TRAPPC8: variants seen among roughly 807,000 people sequenced by gnomAD.
The protein encoded by TRAPPC8 is general sporulation gene 1 homolog.
TRAPPC8 carries 54 observed loss-of-function variants against 174.3 expected under a neutral mutation model. The observed-to-expected ratio is 0.31, with a 90% confidence interval of 0.25 to 0.39. The LOEUF is 0.39. Ranked by LOEUF, TRAPPC8 falls within the 10% of genes least tolerant of loss-of-function variation. TRAPPC8 has a pLI of 1.00. For missense variants in TRAPPC8, 1,531 were observed against 1,699.1 expected (o/e 0.90, Z 1.74); for synonymous variants, 630 against 579.9 (o/e 1.09, Z -1.24).
intron 26 of TRAPPC8, among the ~76,000 whole-genome samples, chr18:31,844,829 G>A (rs531398022): frequency 8.5e-5 from 13 of 152,100 alleles, no homozygotes; most frequent in Non-Finnish European, 1.9e-4. Flanking sequence ...TAACTTGACT[G>A]TGAAGAAACA....
At position 31,935,548 on chromosome 18, in the gene TRAPPC8, T is replaced by TGAAAAAAAAAAAAA. The variant is rs745488703; in HGVS notation, c.158-4026_158-4025insTTTTTTTTTTTTTC. On this transcript the variant is annotated intron_variant, in intron 1 of 28. Transcript: ENST00000283351. Reference sequence around the variant, plus strand: ...GGGCAACAAGAGCGAAACTCCATCTTAAAAAAAAAAAAAAAAAAAAGCAGG... The same window carrying TGAAAAAAAAAAAAA: ...GGGCAACAAGAGCGAAACTCCATCTTGAAAAAAAAAAAAAAAAAAAAAAAAAAAAAAAAAGCAGG... 1.4e-3 allele frequency among the ~76,000 whole-genome samples: 67 copies of TGAAAAAAAAAAAAA among 46,266 alleles called. 13 individuals are homozygous for TGAAAAAAAAAAAAA. The highest frequency in any genetic ancestry group is 2.5e-3 in the African/African-American group (23 of 9,032). The allele number at this position is 46,266 out of a possible 152,430, so 30.4% of individuals were successfully genotyped here. A position where few individuals can be genotyped will look rare whatever the true frequency, so the allele number is the denominator to read the frequency against.
Position 31,917,661 on chromosome 18 carries a change from G to A in TRAPPC8, c.359C>T (p.Thr120Ile). ...TTCTCTGTAAGACTCAAACCATGGA[G>A]TAGTGGCTAAAATTAACAATATACA... The part of the protein sequence containing the change: ...GDYDLNISAT[T>I]PWFESYRETF... Residue 120 changes from threonine (T) to isoleucine (I), a missense_variant, in exon 3 of 29, where the codon ACT (threonine) becomes ATT (isoleucine). By Grantham distance (89) the Thr-to-Ile change is moderately conservative. Coordinates refer to ENST00000283351, the MANE Select transcript of TRAPPC8 (RefSeq NM_014939.5). The A allele has an allele frequency of 1.2e-6, 2 of 1,611,828 alleles. No individual in the cohort carries two copies. The highest frequency in any genetic ancestry group is 1.7e-6 in the Non-Finnish European group (2 of 1,179,088).
At chr18:31,916,557 A>T in intron 3 of TRAPPC8, 111 bp from the exon 4 acceptor site, 3 of 1,120,068 alleles carry the variant, frequency 2.7e-6, no homozygotes, top group Non-Finnish European at 3.7e-6. Flanking sequence ...TTCTGAGACA[A>T]AGTCTCACTC....
chr18:31,922,068 G>T (rs1214390717), intron 2 of TRAPPC8, among the ~76,000 whole-genome samples: 3 of 152,068 alleles, frequency 2.0e-5, no homozygotes, highest in African/African-American at 7.2e-5. Context: ...ACTGTAATTA[G>T]ATTTTTATTG....
At chr18:31,882,892 C>T (rs1017125364) in intron 12 of TRAPPC8, among the ~76,000 whole-genome samples, 5 of 148,014 alleles carry the variant, frequency 3.4e-5, no homozygotes, top group South Asian at 2.2e-4. Flanking sequence ...TGGGATTACA[C>T]GCATGAGCCA....
chr18:31,877,785 T>C (rs1326873827), intron 12 of TRAPPC8, among the ~76,000 whole-genome samples: 1 of 147,852 alleles, frequency 6.8e-6, no homozygotes, highest in African/African-American at 2.5e-5. Flanking sequence ...TAGCCAGGCG[T>C]GGTGGCGCGT....
intron 1 of TRAPPC8, 129 bp downstream of exon 1, chr18:31,942,479 C>T (rs2038389339): frequency 1.6e-6 from 2 of 1,251,596 alleles, no homozygotes; most frequent in Non-Finnish European, 2.1e-6. Flanking sequence ...CGCGGGGCCA[C>T]AGCCCCAGAC....
At position 31,867,035 on chromosome 18, in the gene TRAPPC8, C is replaced by A. The variant is rs1449055942; in HGVS notation, c.2464-60G>T. ...TCATAATATCTTAAATAGCACAATACCTAATTCTATAATGTTGCAAAAACA... is the reference window on the plus strand; with the variant it reads ...TCATAATATCTTAAATAGCACAATAACTAATTCTATAATGTTGCAAAAACA... On this transcript the variant is annotated intron_variant, in intron 17 of 28. Coordinates refer to ENST00000283351, the MANE Select transcript of TRAPPC8 (RefSeq NM_014939.5). 8 of 1,553,300 alleles carry A rather than the reference C, an allele frequency of 5.2e-6. No homozygotes were observed. In the East Asian group the frequency reaches 1.6e-4, roughly 31 times the overall value.
chr18:31,831,007 T>C lies in TRAPPC8; in HGVS notation c.4074-18A>G, dbSNP rs1473875123. 3 of 1,580,902 alleles carry C rather than the reference T, an allele frequency of 1.9e-6. No homozygotes were observed. The highest frequency in any genetic ancestry group is 2.6e-6 in the Non-Finnish European group (3 of 1,161,396). ...CTTCTGGACTAAGGGAGGAGGAAAA[T>C]GTAAGTTGCAGGATTTTTTTCTTTT... On this transcript the variant is annotated intron_variant, in intron 28 of 28. Coordinates refer to ENST00000283351, the MANE Select transcript of TRAPPC8 (RefSeq NM_014939.5).
rs141869200 is a variant in TRAPPC8 at position 31,910,675 on chromosome 18, G to A, written c.772-915C>T. The stretch of plus-strand genomic sequence containing the variant: ...AATACAGTGAGTACTGTCAACAGAC[G>A]CAGTCATTCGTAAGTTTAAAGAAAT... On this transcript the variant is annotated intron_variant, in intron 5 of 28. Coordinates refer to ENST00000283351, the MANE Select transcript of TRAPPC8 (RefSeq NM_014939.5). 1.3e-3 allele frequency among the ~76,000 whole-genome samples: 192 copies of A among 152,294 alleles called. 1 individual carries two copies. In the East Asian group the frequency reaches 0.035, roughly 28 times the overall value.
chr18:31,894,224 C>T (rs1223355684), intron 11 of TRAPPC8, among the ~76,000 whole-genome samples: 2 of 152,178 alleles, frequency 1.3e-5, no homozygotes, highest in Non-Finnish European at 2.9e-5. Context: ...CTTTATTCTT[C>T]ATTGGACCCT....
chr18:31,941,839 T>C (rs1012285167), intron 1 of TRAPPC8, among the ~76,000 whole-genome samples: 2 of 152,220 alleles, frequency 1.3e-5, no homozygotes, highest in Non-Finnish European at 2.9e-5. Context: ...GCTTGAAGCT[T>C]TACCACATTA....
chr18:31,866,606 A>G (rs551206290), intron 18 of TRAPPC8, among the ~76,000 whole-genome samples: 2 of 152,304 alleles, frequency 1.3e-5, no homozygotes, highest in South Asian at 4.1e-4. Flanking sequence ...GTGACAGAAA[A>G]AAATACAGTC....
At chr18:31,916,194 A>C (rs1267926318) in intron 4 of TRAPPC8, 78 bp downstream of exon 4, 84 of 1,112,250 alleles carry the variant, frequency 7.6e-5, no homozygotes, top group Non-Finnish European at 9.5e-5. Context: ...AAATAAATCC[A>C]AAACGTAAAC....
At position 31,849,666 on chromosome 18, in the gene TRAPPC8, G is replaced by C. The variant is rs770298970; in HGVS notation, c.3635C>G (p.Ala1212Gly). The C allele has an allele frequency of 2.5e-6, 4 of 1,612,648 alleles. No individual in the cohort carries two copies. Among genetic ancestry groups the C allele is most frequent in the Non-Finnish European group, 3.4e-6 (4 of 1,179,396 alleles). The change falls in exon 25 of 29, where the codon GCT becomes GGT. Residue 1212 changes from alanine (A) to glycine (G), a missense_variant. Physicochemically the swap from Ala to Gly is moderately conservative, Grantham distance 60. Transcript: ENST00000283351. ...TTTTTCTGTATGCACAGGCAAGTGA[G>C]CTTGTGGTTTTTTCAATTCAGAAGA... ...SLSSELKKPQAHLPVHTEKQS... is the reference protein window; with the variant it reads ...SLSSELKKPQGHLPVHTEKQS...
intron 19 of TRAPPC8, 105 bp downstream of exon 19, chr18:31,864,522 A>G (rs1159719272): frequency 2.9e-6 from 3 of 1,050,840 alleles, no homozygotes; most frequent in Admixed American, 5.6e-5. Context: ...ATTTAAAAGT[A>G]TAGTTCAATG....
At chr18:31,838,420 A>G (rs2032899298) in intron 27 of TRAPPC8, among the ~76,000 whole-genome samples, 1 of 152,152 alleles carries the variant, frequency 6.6e-6, no homozygotes, top group Admixed American at 6.5e-5. Flanking sequence ...TTATCTTTCC[A>G]TCTACTAAGG....
In TRAPPC8 at chr18:31,915,357, A is replaced by G. The variant is rs2037086195; in HGVS notation, c.617+915T>C. Among the ~76,000 whole-genome samples the G allele has an allele frequency of 2.0e-5, 3 of 150,994 alleles. No individual in the cohort carries two copies. The Admixed American group carries it at 2.0e-4, about 10-fold the overall frequency. On this transcript the variant is annotated intron_variant, in intron 4 of 28. Transcript: ENST00000283351. ...GTGCCTGTAATCCCAGCTACCCGGG[A>G]GGCTGAGGCAGGAGAATCGCTGGAA...
At chr18:31,853,483 GT>G (rs1281489579) in intron 22 of TRAPPC8, among the ~76,000 whole-genome samples, 1 of 152,196 alleles carries the variant, frequency 6.6e-6, no homozygotes, top group African/African-American at 2.4e-5. Context: ...GGCCAGGCTG[GT>G]TTCAAACTGC....
Sources: gnomAD v4.1 joint callset for allele counts (sites outside exome capture counted in the v4.1 genomes callset) on GRCh38, gnomAD v4.1.1 for gene constraint, MANE v1.5 for transcripts, NCBI Gene and HGNC (gene_info 2026-07-23, HGNC 2026-07-21) for gene names.